Variants in COL3A1 observed in about 807,000 individuals in gnomAD.
COL3A1 encodes collagen alpha-1(III) chain.
COL3A1 carries 46 observed loss-of-function variants against 200.9 expected under a neutral mutation model. The ratio of observed to expected loss-of-function variants is 0.23; its 90% CI spans 0.18 to 0.29. The LOEUF is 0.29. Among genes scored for constraint, COL3A1 ranks in the 10% least tolerant of loss-of-function variants. The pLI is 1.00. For synonymous variants in COL3A1, 650 were observed against 628.0 expected, an observed-to-expected ratio of 1.03 and a Z score of -0.52; for missense variants, 1,367 against 1,917.6, an observed-to-expected ratio of 0.71 and a Z score of 5.36.
Position 188,999,550 on chromosome 2 carries a change from T to C in COL3A1, c.2202T>C (p.Leu734=). ...LQGMPGERGG[L]GSPGPKGDKG... ...GAATGCCTGGAGAAAGAGGAGGTCT[T>C]GGAAGTCCTGGTCCAAAGGGTGACA... The change falls in exon 31 of 51, where the codon CTT becomes CTC. Residue 734 remains leucine, a synonymous_variant. Coordinates refer to ENST00000304636, the MANE Select transcript of COL3A1 (RefSeq NM_000090.4). The C allele has an allele frequency of 6.2e-7, 1 of 1,613,820 alleles. No individual in the cohort carries two copies. Among genetic ancestry groups the C allele is most frequent in the African/African-American group, 1.3e-5 (1 of 75,030 alleles).
chr2:188,990,976 A>G, intron 10 of COL3A1, 28 bp from the exon 11 acceptor site: 1 of 1,606,638 alleles, frequency 6.2e-7, no homozygotes, highest in Non-Finnish European at 8.5e-7. Flanking sequence ...AGATTTTAAT[A>G]ATTTTGCTGG....
In COL3A1 at chr2:188,984,878, A is replaced by G. The variant is rs372269408; in HGVS notation, c.198A>G (p.Ile66Met). The G allele has an allele frequency of 8.2e-5, 133 of 1,613,138 alleles. No homozygotes were observed. The highest frequency in any genetic ancestry group is 1.1e-4 in the Non-Finnish European group (131 of 1,179,452). Residue 66 changes from isoleucine to methionine, a missense_variant, in exon 2 of 51, where the codon ATA becomes ATG. Physicochemically the swap from Ile to Met is conservative, Grantham distance 10 (BLOSUM62 1). Around this residue, in one of 5 missense-constraint regions of COL3A1, gnomAD observed 462 missense variants for 681.4 expected, o/e 0.68. Coordinates refer to ENST00000304636, the MANE Select transcript of COL3A1 (RefSeq NM_000090.4). Reference sequence around the variant, plus strand: ...GATCCGTTCTCTGCGATGACATAATATGTGACGATCAAGAATTAGACTGCC... The same window carrying G: ...GATCCGTTCTCTGCGATGACATAATGTGTGACGATCAAGAATTAGACTGCC... ...DSGSVLCDDI[I>M]CDDQELDCPN...
At position 188,997,682 on chromosome 2, in the gene COL3A1, A is replaced by T; in HGVS notation, c.1870-18A>T. 2 of 1,609,944 alleles carry T rather than the reference A, an allele frequency of 1.2e-6. No homozygotes were observed. Among genetic ancestry groups the T allele is most frequent in the Non-Finnish European group, 1.7e-6 (2 of 1,176,264 alleles). On this transcript the variant is annotated intron_variant, in intron 26 of 50. Transcript: ENST00000304636. The stretch of plus-strand genomic sequence containing the variant: ...TAAAAGGATGTTTACAACAGAGTGT[A>T]TCATTATACTTTTCTAGGGGCCTGG...
chr2:188,996,146 G>A lies in COL3A1; in HGVS notation c.1630G>A (p.Gly544Arg). ...GMRGMPGSPG[G>R]PGSDGKPGPP... ...TCAGGGCATGCCCGGAAGTCCAGGA[G>A]GACCAGGAAGTGATGGGAAACCAGG... The change falls in exon 23 of 51, where the codon GGA (glycine) becomes AGA (arginine). Residue 544 changes from glycine to arginine, a missense_variant. Physicochemically the swap from Gly to Arg is moderately radical, Grantham distance 125. Coordinates refer to ENST00000304636, the MANE Select transcript of COL3A1 (RefSeq NM_000090.4). 1 of 1,613,578 alleles carries A rather than the reference G, an allele frequency of 6.2e-7. No homozygotes were observed. Among genetic ancestry groups the A allele is most frequent in the African/African-American group, 1.3e-5 (1 of 74,876 alleles).
At position 189,010,380 on chromosome 2, in the gene COL3A1, A is replaced by G; in HGVS notation, c.4011+15A>G. ...GTGGTTTTCAGGTAGGAAAGGATATACCTTTTTTTAAATAAGTCACCTCTA... is the reference window on the plus strand; with the variant it reads ...GTGGTTTTCAGGTAGGAAAGGATATGCCTTTTTTTAAATAAGTCACCTCTA... On this transcript the variant is annotated intron_variant, in intron 49 of 50. Coordinates refer to ENST00000304636, the MANE Select transcript of COL3A1 (RefSeq NM_000090.4). 6.2e-7 allele frequency: 1 copy of G among 1,613,488 alleles called. No individual in the cohort carries two copies. The highest frequency in any genetic ancestry group is 8.5e-7 in the Non-Finnish European group (1 of 1,179,480).
chr2:188,996,578 A>T, intron 24 of COL3A1, 82 bp downstream of exon 24: 1 of 1,151,526 alleles, frequency 8.7e-7, no homozygotes, highest in South Asian at 1.3e-5. Context: ...AATGGTCAAA[A>T]CTCAGTCTCC....
chr2:188,980,340 T>TCAA (rs1160743223), intron 1 of COL3A1, among the ~76,000 whole-genome samples: 1 of 149,876 alleles, frequency 6.7e-6, no homozygotes, highest in Non-Finnish European at 1.5e-5. Flanking sequence ...TAAAGGACAT[T>TCAA]TCTAAGGAGA....
intron 39 of COL3A1, 31 bp downstream of exon 39, chr2:189,004,174 T>C (rs1247644259): frequency 6.2e-7 from 1 of 1,613,130 alleles, no homozygotes; most frequent in Admixed American, 1.7e-5. Flanking sequence ...AAATTGATTC[T>C]ACTATTTTGA....
rs1553510018 is a variant in COL3A1, at chr2:189,011,767, T to C, written c.4394T>C (p.Phe1465Ser). The C allele has an allele frequency of 6.2e-7, 1 of 1,613,832 alleles. No individual in the cohort carries two copies. Among genetic ancestry groups the C allele is most frequent in the East Asian group, 2.2e-5 (1 of 44,878 alleles). The change falls in exon 51 of 51, where the codon TTT (phenylalanine) becomes TCT (serine). Residue 1465 changes from phenylalanine (F) to serine (S), a missense_variant. Coordinates refer to ENST00000304636, the MANE Select transcript of COL3A1 (RefSeq NM_000090.4). Reference protein sequence around the residue: ...EFGVDVGPVCFL With the variant: ...EFGVDVGPVCSL ...GGTGTGGACGTTGGCCCTGTTTGCT[T>C]TTTATAAACCAAACTCTATCTGAAA... is the stretch of plus-strand genomic sequence containing the variant.
intron 45 of COL3A1, 40 bp downstream of exon 45, chr2:189,007,647 T>C (rs575883633): frequency 3.4e-5 from 52 of 1,523,132 alleles, no homozygotes; most frequent in Non-Finnish European, 4.2e-5. Flanking sequence ...CTTCAATGTA[T>C]ACAAATTTTA....
At chr2:189,004,414 A>G (rs1260213167) in intron 40 of COL3A1, 50 bp downstream of exon 40, 1 of 1,494,984 alleles carries the variant, frequency 6.7e-7, no homozygotes, top group Non-Finnish European at 9.2e-7. Flanking sequence ...GGTAGCCTTC[A>G]GAGATCACTT....
Position 189,006,976 on chromosome 2 carries a change from T to G in COL3A1, c.3241T>G (p.Ser1081Ala), listed in dbSNP as rs1247649051. The change falls in exon 44 of 51, where the codon TCC becomes GCC. Residue 1081 changes from serine to alanine, a missense_variant. This residue lies in a region of COL3A1 where 846 missense variants were observed against 1,147.9 expected (regional missense o/e 0.74). Coordinates refer to ENST00000304636, the MANE Select transcript of COL3A1 (RefSeq NM_000090.4). ...GPAGAPGPAG[S>A]RGAPGPQGPR... ...TGCTGGTGCTCCCGGTCCTGCTGGT[T>G]CCCGAGGTGCTCCTGTAAGTTTTGT... The G allele has an allele frequency of 6.2e-7, 1 of 1,612,846 alleles. No individual in the cohort carries two copies. The highest frequency in any genetic ancestry group is 8.5e-7 in the Non-Finnish European group (1 of 1,179,746).
chr2:188,984,709 A>G (rs776959475), intron 1 of COL3A1, 51 bp from the exon 2 acceptor site: 2 of 1,547,660 alleles, frequency 1.3e-6, no homozygotes, highest in Non-Finnish European at 1.8e-6. Flanking sequence ...AACAAAAATC[A>G]CCTTTCAGCA....
At chr2:189,010,433 A>G in intron 49 of COL3A1, 68 bp downstream of exon 49, 1 of 1,581,140 alleles carries the variant, frequency 6.3e-7, no homozygotes, top group Non-Finnish European at 8.7e-7. Flanking sequence ...CTATATGTTC[A>G]TCACAAAGCA....
rs1468376126 is a variant in COL3A1, at chr2:188,996,108, T to G, written c.1609-17T>G. The G allele has an allele frequency of 3.1e-6, 5 of 1,612,650 alleles. No homozygotes were observed. The East Asian group carries it at 8.9e-5, about 29-fold the overall frequency. ...ATTTCATTTTAAATCACCTAACAAC[T>G]GACTTCTTTACTTCAGGGCATGCCC... On this transcript the variant is annotated splice_polypyrimidine_tract_variant and intron_variant, in intron 22 of 50. Coordinates refer to ENST00000304636, the MANE Select transcript of COL3A1 (RefSeq NM_000090.4).
intron 32 of COL3A1, among the ~76,000 whole-genome samples, chr2:189,000,339 A>G (rs887657399): frequency 1.2e-4 from 18 of 152,226 alleles, no homozygotes; most frequent in Admixed American, 1.0e-3. Flanking sequence ...AACCTCAAGG[A>G]CAACATACTC....
rs753162027 is a variant in COL3A1 at position 188,999,310 on chromosome 2, G to A, written c.2048G>A (p.Arg683His). 1.5e-5 allele frequency: 24 copies of A among 1,585,296 alleles called. No individual in the cohort carries two copies. The Admixed American group carries it at 2.9e-4, about 19-fold the overall frequency. Residue 683 changes from arginine to histidine, a missense_variant, in exon 30 of 51, where the codon CGT becomes CAT. Around this residue, in one of 5 missense-constraint regions of COL3A1, gnomAD observed 846 missense variants for 1,147.9 expected, o/e 0.74. Coordinates refer to ENST00000304636, the MANE Select transcript of COL3A1 (RefSeq NM_000090.4). ...GKGDAGAPGE[R>H]GPPGLAGAPG... is the part of the protein sequence containing the mutation. ...GGTGATGCTGGTGCCCCTGGTGAAC[G>A]TGGACCTCCTGGATTGGCAGGGGCC...
chr2:188,980,481 C>A (rs1376958511), intron 1 of COL3A1, among the ~76,000 whole-genome samples: 2 of 145,224 alleles, frequency 1.4e-5, no homozygotes, highest in South Asian at 2.2e-4. Context: ...TAATTGAATT[C>A]TAAAAGATTA....
At chr2:188,990,395 C>G in intron 10 of COL3A1, 35 bp downstream of exon 10, 2 of 1,566,508 alleles carry the variant, frequency 1.3e-6, no homozygotes. Context: ...ACAAGGTATT[C>G]CACTGGGCTA....
Sources: gnomAD v4.1 joint callset for allele counts (sites outside exome capture counted in the v4.1 genomes callset) on GRCh38, gnomAD v4.1.1 for gene constraint, gnomAD v4.1.1 regional missense constraint, MANE v1.5 for transcripts, NCBI Gene and HGNC (gene_info 2026-07-23, HGNC 2026-07-21) for gene names.